CPNE5: variants seen among roughly 807,000 people sequenced by gnomAD.
CPNE5 encodes copine 5.
CPNE5 carries 42 observed loss-of-function variants against 81.1 expected under a neutral mutation model. The observed-to-expected ratio is 0.52, with a 90% CI of 0.40 to 0.67. The LOEUF is 0.67. Ranked by LOEUF, CPNE5 falls within the 30% of genes least tolerant of loss-of-function variation. The probability of loss-of-function intolerance (pLI) is 0.00; values close to 1 mark genes in which losing one functional copy is unlikely to be tolerated. For synonymous variants in CPNE5, 313 were observed against 321.5 expected, an observed-to-expected ratio of 0.97 and a Z score of 0.28; for missense variants, 612 against 815.5, an observed-to-expected ratio of 0.75 and a Z score of 3.04.
chr6:36,774,253 T>C (rs1767300800), intron 10 of CPNE5, among the ~76,000 whole-genome samples: 1 of 151,946 alleles, frequency 6.6e-6, no homozygotes, highest in Non-Finnish European at 1.5e-5. Flanking sequence ...TGGTGGTAGG[T>C]GCCTGTAGTC....
At chr6:36,830,846 C>G (rs1414675624) in intron 1 of CPNE5, among the ~76,000 whole-genome samples, 1 of 152,092 alleles carries the variant, frequency 6.6e-6, no homozygotes, top group African/African-American at 2.4e-5. Flanking sequence ...CCTTATTCCC[C>G]CTCCTGTCCC....
At position 36,765,367 on chromosome 6, in the gene CPNE5, C is replaced by T. The variant is rs752075194; in HGVS notation, c.747G>A (p.Lys249=). The part of the protein sequence containing the change: ...LCNGDYDRTI[K]VEVYDWDRDG... Reference sequence around the variant, plus strand: ...CCCGATCCCAGTCGTACACCTCCACCTTGATGGTCCTGCAAAACAAAGGCC... The same window carrying T: ...CCCGATCCCAGTCGTACACCTCCACTTTGATGGTCCTGCAAAACAAAGGCC... Residue 249 remains lysine (K), a synonymous_variant, in exon 11 of 21, where the codon AAG becomes AAA. Coordinates refer to ENST00000244751, the MANE Select transcript of CPNE5 (RefSeq NM_020939.2). 1.9e-6 allele frequency: 3 copies of T among 1,614,044 alleles called. No homozygotes were observed. In the East Asian group the frequency reaches 6.7e-5, roughly 36 times the overall value.
chr6:36,830,519 G>A (rs920439732), intron 1 of CPNE5, among the ~76,000 whole-genome samples: 28 of 152,284 alleles, frequency 1.8e-4, no homozygotes, highest in African/African-American at 5.5e-4. Context: ...TCCCTGCCAA[G>A]CAACCTCACC....
chr6:36,810,381 T>C (rs1405765829), intron 3 of CPNE5, among the ~76,000 whole-genome samples: 2 of 152,220 alleles, frequency 1.3e-5, no homozygotes, highest in African/African-American at 2.4e-5. Flanking sequence ...GGCTCCTTAA[T>C]TGGGGATTCT....
chr6:36,819,778 G>T (rs908806128), intron 3 of CPNE5, among the ~76,000 whole-genome samples: 3 of 152,094 alleles, frequency 2.0e-5, no homozygotes, highest in Non-Finnish European at 4.4e-5. Flanking sequence ...TCTTAGTGGA[G>T]ACCCCAGGCG....
intron 3 of CPNE5, among the ~76,000 whole-genome samples, chr6:36,816,067 CTTAG>C (rs1001591069): frequency 6.6e-6 from 1 of 152,184 alleles, no homozygotes; most frequent in Admixed American, 6.5e-5. Flanking sequence ...GCCATCCTGC[CTTAG>C]TTAGTCTACC....
chr6:36,754,115 C>T (rs1765135304), intron 13 of CPNE5: 1 of 152,200 alleles, frequency 6.6e-6, no homozygotes. Context: ...TCAACCCTGA[C>T]TGATGACCAT....
In CPNE5 at chr6:36,773,639, G is replaced by C. The variant is rs6928608; in HGVS notation, c.737+1322C>G. 3.2e-3 allele frequency among the ~76,000 whole-genome samples: 485 copies of C among 152,242 alleles called. 3 individuals carry two copies. The highest frequency in any genetic ancestry group is 0.011 in the African/African-American group (453 of 41,528). Reference sequence around the variant, plus strand: ...GTTGTGTAGGTTGTGTCGTGTGAGCGTCAATGCAGTCCTGTAGAGTAGGCA... The same window carrying C: ...GTTGTGTAGGTTGTGTCGTGTGAGCCTCAATGCAGTCCTGTAGAGTAGGCA... On this transcript the variant is annotated intron_variant, in intron 10 of 20. Coordinates refer to ENST00000244751, the MANE Select transcript of CPNE5 (RefSeq NM_020939.2).
In CPNE5 at chr6:36,745,528, G is replaced by T; in HGVS notation, c.1201-13C>A. On this transcript the variant is annotated splice_polypyrimidine_tract_variant and intron_variant, in intron 16 of 20. Coordinates refer to ENST00000244751, the MANE Select transcript of CPNE5 (RefSeq NM_020939.2). ...CCTGGTTGCCATTCTGGGGGACAGA[G>T]GGCAGGGAGGCTGAGCCCAGGAAGG... 6.3e-7 allele frequency: 1 copy of T among 1,596,352 alleles called. No homozygotes were observed. Among genetic ancestry groups the T allele is most frequent in the South Asian group, 1.1e-5 (1 of 88,016 alleles).
intron 9 of CPNE5, among the ~76,000 whole-genome samples, chr6:36,777,753 ACCCCC>A (rs35760836): frequency 0.098 from 11,142 of 113,782 alleles, 715 homozygotes; most frequent in African/African-American, 0.16. Flanking sequence ...TCCCCTGCCT[ACCCCC>A]CCCCCCACCA....
At chr6:36,753,150 G>T in intron 13 of CPNE5, 55 bp from the exon 14 acceptor site, 1 of 1,433,672 alleles carries the variant, frequency 7.0e-7, no homozygotes, top group Non-Finnish European at 9.8e-7. Context: ...GGGGAGATGG[G>T]TTATGATTCG....
chr6:36,828,040 G>A (rs976507661), intron 1 of CPNE5, among the ~76,000 whole-genome samples: 3 of 151,974 alleles, frequency 2.0e-5, no homozygotes, highest in African/African-American at 7.2e-5. Context: ...GTGAGAAAAT[G>A]GTCATTCATT....
At chr6:36,744,480 AG>A in intron 18 of CPNE5, 155 bp from the exon 19 acceptor site, 1 of 651,670 alleles carries the variant, frequency 1.5e-6, no homozygotes, top group South Asian at 1.8e-5. Flanking sequence ...GGGGGTAGGG[AG>A]AGGGAGGGCA....
intron 12 of CPNE5, among the ~76,000 whole-genome samples, chr6:36,762,308 A>G (rs1411879462): frequency 6.7e-6 from 1 of 150,094 alleles, no homozygotes; most frequent in Non-Finnish European, 1.5e-5. Context: ...ATACATGCAC[A>G]CACACACACA....
At chr6:36,807,321 C>T (rs1770684455) in intron 3 of CPNE5, among the ~76,000 whole-genome samples, 1 of 152,206 alleles carries the variant, frequency 6.6e-6, no homozygotes, top group Non-Finnish European at 1.5e-5. Context: ...GGGCAAATGC[C>T]TTTACCTCTC....
At chr6:36,804,732 G>C (rs1770430392) in intron 3 of CPNE5, among the ~76,000 whole-genome samples, 1 of 130,556 alleles carries the variant, frequency 7.7e-6, no homozygotes, top group African/African-American at 2.9e-5. Flanking sequence ...CTTTTAAAAT[G>C]GCACTTGCAG....
At chr6:36,771,102 TG>T (rs1233463894) in intron 10 of CPNE5, among the ~76,000 whole-genome samples, 2 of 152,058 alleles carry the variant, frequency 1.3e-5, no homozygotes, top group African/African-American at 2.4e-5. Context: ...CTGAATTATT[TG>T]GTATTAAAGC....
Position 36,756,275 on chromosome 6 carries a change from C to G in CPNE5, c.879G>C (p.Met293Ile). The change falls in exon 13 of 21, where the codon ATG becomes ATC. Residue 293 changes from methionine to isoleucine, a missense_variant. Met to Ile is a conservative substitution (Grantham distance 10). Transcript: ENST00000244751. ...CAGAATTCACGTATTTCTTTTTCTT[C>G]ATTTTCTTTTTCGGGTTTACCACCT... ...IYEVVNPKKK[M>I]KKKKYVNSGT... The G allele has an allele frequency of 6.2e-7, 1 of 1,613,872 alleles. No individual in the cohort carries two copies. The highest frequency in any genetic ancestry group is 2.2e-5 in the East Asian group (1 of 44,882).
chr6:36,784,237 C>T (rs1768315606), intron 8 of CPNE5, among the ~76,000 whole-genome samples: 3 of 152,220 alleles, frequency 2.0e-5, no homozygotes, highest in Non-Finnish European at 2.9e-5. Context: ...GACCCAGAAA[C>T]ATTTGCCAAA....
Sources: gnomAD v4.1 joint callset for allele counts (sites outside exome capture counted in the v4.1 genomes callset) on GRCh38, gnomAD v4.1.1 for gene constraint, MANE v1.5 for transcripts, NCBI Gene and HGNC (gene_info 2026-07-23, HGNC 2026-07-21) for gene names.